The following JMJD1C variants were observed in gnomAD, a reference collection of about 807,000 sequenced individuals.
JMJD1C encodes jumonji domain-containing protein 1C.
In JMJD1C, 31 loss-of-function variants were observed where a neutral mutation model predicts 245.3. That is an observed-to-expected ratio of 0.13 (90% CI 0.09 to 0.17). The LOEUF is 0.17. JMJD1C is among the 10% of genes least tolerant of loss of function. JMJD1C has a pLI of 1.00. For synonymous variants in JMJD1C, 1,057 were observed against 1,017.4 expected, an observed-to-expected ratio of 1.04 and a Z score of -0.74; for missense variants, 2,691 against 3,000.2, an observed-to-expected ratio of 0.90 and a Z score of 2.41.
intron 3 of JMJD1C, among the ~76,000 whole-genome samples, chr10:63,259,077 T>C (rs1854355275): frequency 6.6e-6 from 1 of 152,144 alleles, no homozygotes; most frequent in Non-Finnish European, 1.5e-5. Flanking sequence ...GAAGGTAAAG[T>C]TTGAAAAAGC....
chr10:63,392,867 A>AACACACACACACACACACACAC (rs34778084), intron 1 of JMJD1C, among the ~76,000 whole-genome samples: 7 of 112,282 alleles, frequency 6.2e-5, no homozygotes, highest in Non-Finnish European at 8.7e-5. Context: ...AAAGTACATA[A>AACACACACACACACACACACAC]ACACACACAC....
chr10:63,188,119 G>C (rs1384032878), intron 18 of JMJD1C, among the ~76,000 whole-genome samples: 1 of 152,102 alleles, frequency 6.6e-6, no homozygotes, highest in Non-Finnish European at 1.5e-5. Context: ...TAGTATCCTA[G>C]CTTTGACATT....
chr10:63,366,098 T>A (rs1277268909), intron 2 of JMJD1C, among the ~76,000 whole-genome samples: 1 of 152,216 alleles, frequency 6.6e-6, no homozygotes, highest in Non-Finnish European at 1.5e-5. Context: ...CAGTATGGCT[T>A]TGGGCCACAA....
At chr10:63,218,840 A>G (rs1223345511) in intron 4 of JMJD1C, among the ~76,000 whole-genome samples, 4 of 152,226 alleles carry the variant, frequency 2.6e-5, no homozygotes, top group African/African-American at 9.6e-5. Context: ...TGATTTTTAA[A>G]AAATAAATCA....
chr10:63,190,435 C>G (rs1844648668), intron 17 of JMJD1C, among the ~76,000 whole-genome samples: 1 of 152,186 alleles, frequency 6.6e-6, no homozygotes, highest in South Asian at 2.1e-4. Context: ...AACTCCTGAC[C>G]TCGTGATCCA....
chr10:63,262,059 A>G (rs1395645981), intron 3 of JMJD1C, among the ~76,000 whole-genome samples: 1 of 152,218 alleles, frequency 6.6e-6, no homozygotes, highest in Non-Finnish European at 1.5e-5. Flanking sequence ...GAAATTTTAA[A>G]AAGTGAGAAA....
At chr10:63,424,500 T>TTC (rs1764287575) in intron 1 of JMJD1C, among the ~76,000 whole-genome samples, 2 of 143,706 alleles carry the variant, frequency 1.4e-5, no homozygotes, top group African/African-American at 5.1e-5. Context: ...ATTATTTCTT[T>TTC]TTTTTTTTTT....
intron 2 of JMJD1C, among the ~76,000 whole-genome samples, chr10:63,375,389 A>T (rs1946652106): frequency 6.6e-6 from 1 of 152,136 alleles, no homozygotes; most frequent in African/African-American, 2.4e-5. Context: ...AAATTAACAA[A>T]TAATTCCATT....
chr10:63,240,825 C>G (rs1328197044), intron 3 of JMJD1C, among the ~76,000 whole-genome samples: 1 of 152,070 alleles, frequency 6.6e-6, no homozygotes, highest in Admixed American at 6.6e-5. Context: ...GAGAGAGGAA[C>G]AATTCCAAAC....
intron 2 of JMJD1C, among the ~76,000 whole-genome samples, chr10:63,351,579 T>G (rs991377497): frequency 2.0e-5 from 3 of 152,284 alleles, no homozygotes; most frequent in South Asian, 2.1e-4. Flanking sequence ...CTGAGAGCAT[T>G]TGCTGAATGG....
At chr10:63,484,946 T>C (rs1039671680) in intron 1 of JMJD1C, among the ~76,000 whole-genome samples, 1 of 151,798 alleles carries the variant, frequency 6.6e-6, no homozygotes, top group African/African-American at 2.4e-5. Flanking sequence ...CTAGGGTTCA[T>C]GCTGCTCTCC....
intron 1 of JMJD1C, among the ~76,000 whole-genome samples, chr10:63,432,738 A>T (rs1950831985): frequency 6.6e-6 from 1 of 152,238 alleles, no homozygotes; most frequent in African/African-American, 2.4e-5. Flanking sequence ...GATCAGATAC[A>T]AGTTCATAAT....
At chr10:63,502,205 TC>T (rs1344245909) in intron 1 of JMJD1C, among the ~76,000 whole-genome samples, 5 of 152,204 alleles carry the variant, frequency 3.3e-5, no homozygotes, top group Admixed American at 1.3e-4. Context: ...TTCACTTCTA[TC>T]TCCTTTCTCC....
chr10:63,438,041 C>G (rs957814273), intron 1 of JMJD1C, among the ~76,000 whole-genome samples: 3 of 152,116 alleles, frequency 2.0e-5, no homozygotes, highest in African/African-American at 7.2e-5. Flanking sequence ...TATATACTGA[C>G]TACTCCCAGA....
chr10:63,469,908 T>A (rs550299233), upstream of JMJD1C, among the ~76,000 whole-genome samples: 5 of 152,326 alleles, frequency 3.3e-5, no homozygotes, highest in South Asian at 4.1e-4. Context: ...ACCATTTTTT[T>A]ATTAAACCTT....
chr10:63,350,820 C>G (rs887036421), intron 2 of JMJD1C, among the ~76,000 whole-genome samples: 1 of 151,766 alleles, frequency 6.6e-6, no homozygotes, highest in Non-Finnish European at 1.5e-5. Flanking sequence ...GGGGTTTCAC[C>G]ATGTTAGCCA....
At chr10:63,395,177 T>C (rs768623334) in intron 1 of JMJD1C, among the ~76,000 whole-genome samples, 1 of 152,012 alleles carries the variant, frequency 6.6e-6, no homozygotes, top group Non-Finnish European at 1.5e-5. Context: ...TACACATCTA[T>C]TAGAAAGACT....
chr10:63,482,613 G>C (rs538358588), intron 1 of JMJD1C, among the ~76,000 whole-genome samples: 1 of 152,180 alleles, frequency 6.6e-6, no homozygotes, highest in South Asian at 2.1e-4. Flanking sequence ...TCCAGCCTGG[G>C]TGATAGAGCA....
chr10:63,380,394 T>A lies in JMJD1C; in HGVS notation c.257A>T (p.His86Leu). 6.2e-7 allele frequency: 1 copy of A among 1,614,092 alleles called. No homozygotes were observed. The highest frequency in any genetic ancestry group is 2.2e-5 in the East Asian group (1 of 44,882). Reference sequence around the variant, plus strand: ...GTCATTCCTTTTGGCCCAGATTAAGTGGTATTCCACCAAGAAAGTTGAAAA... The same window carrying A: ...GTCATTCCTTTTGGCCCAGATTAAGAGGTATTCCACCAAGAAAGTTGAAAA... The part of the protein sequence containing the change: ...EDFSTFLVEY[H>L]LIWAKRNDPS... The change falls in exon 2 of 26, where the codon CAC (histidine) becomes CTC (leucine). Residue 86 changes from histidine (H) to leucine (L), a missense_variant. His to Leu is a moderately conservative substitution (Grantham distance 99, BLOSUM62 -3). Around this residue, in one of 9 missense-constraint regions of JMJD1C, gnomAD observed 172 missense variants for 240.8 expected, o/e 0.71. Transcript: ENST00000399262.
Sources: allele counts gnomAD v4.1 joint callset (sites outside exome capture counted in the v4.1 genomes callset), GRCh38; gene constraint gnomAD v4.1.1; regional missense constraint gnomAD v4.1.1; transcripts MANE v1.5; gene names NCBI Gene and HGNC (gene_info 2026-07-23, HGNC 2026-07-21).